Variants in ITPR2 observed in about 807,000 individuals in gnomAD.
ITPR2 encodes the protein inositol 1,4,5-trisphosphate receptor type 2.
A neutral mutation model predicts 317.1 loss-of-function variants in ITPR2; 207 were observed. The ratio of observed to expected loss-of-function variants is 0.65; its 90% confidence interval spans 0.58 to 0.73. ITPR2 has a LOEUF of 0.73. ITPR2 is among the 30% of genes least tolerant of loss of function. The pLI is 0.00. For synonymous variants in ITPR2, 1,156 were observed against 1,149.1 expected, an observed-to-expected ratio of 1.01 and a Z score of -0.12; for missense variants, 2,613 against 3,284.0, an observed-to-expected ratio of 0.80 and a Z score of 4.99.
intron 21 of ITPR2, among the ~76,000 whole-genome samples, chr12:26,635,088 T>C (rs892587486): frequency 6.6e-6 from 1 of 152,296 alleles, no homozygotes; most frequent in East Asian, 1.9e-4. Flanking sequence ...GCTTTGTTCT[T>C]TGATTGTTCC....
Position 26,454,123 on chromosome 12 carries a change from C to T in ITPR2, c.6343-10473G>A, listed in dbSNP as rs79763194. Among the ~76,000 whole-genome samples the T allele has an allele frequency of 5.5e-4, 84 of 152,130 alleles. 1 individual carries two copies. In the East Asian group the frequency reaches 0.013, roughly 23 times the overall value. On this transcript the variant is annotated intron_variant, in intron 45 of 56. Coordinates refer to ENST00000381340, the MANE Select transcript of ITPR2 (RefSeq NM_002223.4). ...TTTAATGGCATATGTGTTTAATTTTCTGAAATAAATTGAGTTTTTAGAAAA... is the reference window on the plus strand; with the variant it reads ...TTTAATGGCATATGTGTTTAATTTTTTGAAATAAATTGAGTTTTTAGAAAA...
intron 32 of ITPR2, among the ~76,000 whole-genome samples, chr12:26,584,388 G>A (rs771320955): frequency 6.6e-6 from 1 of 152,178 alleles, no homozygotes; most frequent in Non-Finnish European, 1.5e-5. Context: ...CACTGGACAT[G>A]CAGCACCTCA....
In ITPR2 at chr12:26,663,945, T is replaced by C. The variant is rs903020673; in HGVS notation, c.1552-99A>G. On this transcript the variant is annotated intron_variant, in intron 14 of 56. Transcript: ENST00000381340. ...AACATTGATTCAAAAAACACTTATATAAATTTGAGTATTAGAGTAAACGGG... is the reference window on the plus strand; with the variant it reads ...AACATTGATTCAAAAAACACTTATACAAATTTGAGTATTAGAGTAAACGGG... 1.3e-5 allele frequency: 14 copies of C among 1,079,344 alleles called. No individual in the cohort carries two copies. The African/African-American group carries it at 2.2e-4, about 17-fold the overall frequency. The allele number at this position is 1,079,344 out of a possible 1,614,324, so 66.9% of individuals were successfully genotyped here.
intron 1 of ITPR2, among the ~76,000 whole-genome samples, chr12:26,819,841 C>A (rs954318636): frequency 2.0e-5 from 3 of 151,736 alleles, no homozygotes; most frequent in Non-Finnish European, 2.9e-5. Context: ...CCGAGGCAGG[C>A]GGATCACTTG....
At chr12:26,645,791 G>C (rs979151282) in intron 21 of ITPR2, among the ~76,000 whole-genome samples, 2 of 152,174 alleles carry the variant, frequency 1.3e-5, no homozygotes, top group Non-Finnish European at 1.5e-5. Context: ...ATTCAAAAGA[G>C]ATGAACACTG....
In ITPR2 at chr12:26,687,867, G is replaced by A. The variant is rs562932135; in HGVS notation, c.997-1235C>T. On this transcript the variant is annotated intron_variant, in intron 10 of 56. Transcript: ENST00000381340. Reference sequence around the variant, plus strand: ...AAAATTCAGAGTTAAATGAAAGCAGGGGTTCAGCAAACTCTCCACAAAGGG... The same window carrying A: ...AAAATTCAGAGTTAAATGAAAGCAGAGGTTCAGCAAACTCTCCACAAAGGG... Among the ~76,000 whole-genome samples, 21 of 152,046 alleles carry A rather than the reference G, an allele frequency of 1.4e-4. No individual in the cohort carries two copies. In the Middle Eastern group the frequency reaches 0.01, roughly 74 times the overall value.
At chr12:26,609,250 C>T (rs1430723939) in intron 26 of ITPR2, among the ~76,000 whole-genome samples, 2 of 152,192 alleles carry the variant, frequency 1.3e-5, no homozygotes, top group African/African-American at 4.8e-5. Context: ...TCGTTAGCCA[C>T]TTGCTGAATA....
intron 8 of ITPR2, among the ~76,000 whole-genome samples, chr12:26,714,309 G>A (rs1004534252): frequency 4.6e-5 from 7 of 151,908 alleles, no homozygotes; most frequent in African/African-American, 1.7e-4. Context: ...TCATTCAAGG[G>A]CCCACATTTA....
At position 26,487,229 on chromosome 12, in the gene ITPR2, T is replaced by C; in HGVS notation, c.5393A>G (p.His1798Arg). The C allele has an allele frequency of 1.2e-6, 2 of 1,601,490 alleles. No homozygotes were observed. Among genetic ancestry groups the C allele is most frequent in the Non-Finnish European group, 1.7e-6 (2 of 1,176,382 alleles). ...QTQYSFYQQL[H>R]EQKKSEKFFK... Reference sequence around the variant, plus strand: ...GAATTTTTCTGACTTTTTTTGTTCATGCAACTGCTGGTAGAAAGAATACTG... The same window carrying C: ...GAATTTTTCTGACTTTTTTTGTTCACGCAACTGCTGGTAGAAAGAATACTG... The change falls in exon 40 of 57, where the codon CAT (histidine) becomes CGT (arginine). Residue 1798 changes from histidine (H) to arginine (R), a missense_variant. Physicochemically the swap from His to Arg is conservative, Grantham distance 29. Around this residue, in one of 9 missense-constraint regions of ITPR2, gnomAD observed 926 missense variants for 1,072.8 expected, o/e 0.86. Transcript: ENST00000381340.
chr12:26,797,825 G>A (rs1950479989), intron 1 of ITPR2, among the ~76,000 whole-genome samples: 1 of 150,984 alleles, frequency 6.6e-6, no homozygotes, highest in East Asian at 1.9e-4. Context: ...CCGAGTAGCT[G>A]GGATTACAGG....
chr12:26,793,368 A>C (rs7962822), intron 1 of ITPR2, among the ~76,000 whole-genome samples: 19,320 of 152,060 alleles, frequency 0.13, 2,818 homozygotes, highest in African/African-American at 0.36. Context: ...AAAAATAATA[A>C]GGATAACCAA....
At position 26,548,788 on chromosome 12, in the gene ITPR2, G is replaced by T. The variant is rs149264382; in HGVS notation, c.5073+1459C>A. 1.7e-3 allele frequency among the ~76,000 whole-genome samples: 257 copies of T among 152,300 alleles called. 1 individual carries two copies. Among genetic ancestry groups the T allele is most frequent in the African/African-American group, 5.9e-3 (247 of 41,568 alleles). ...ACTCCTGGAATTTTCTCAACAGGAG[G>T]TAATAAAAGCCTGAACTAGTGATAG... is the stretch of plus-strand genomic sequence containing the variant. On this transcript the variant is annotated intron_variant, in intron 37 of 56. Transcript: ENST00000381340.
chr12:26,601,642 C>T (rs1314911154), intron 28 of ITPR2, among the ~76,000 whole-genome samples: 1 of 152,014 alleles, frequency 6.6e-6, no homozygotes, highest in Non-Finnish European at 1.5e-5. Flanking sequence ...TATACAAACC[C>T]ATACTGATAA....
At chr12:26,377,876 A>G (rs1939391166) in intron 55 of ITPR2, among the ~76,000 whole-genome samples, 1 of 151,980 alleles carries the variant, frequency 6.6e-6, no homozygotes, top group Non-Finnish European at 1.5e-5. Context: ...TTTAAGATAC[A>G]CACTTTGCCT....
chr12:26,717,295 C>A (rs1948757126), intron 5 of ITPR2, among the ~76,000 whole-genome samples: 2 of 152,100 alleles, frequency 1.3e-5, no homozygotes. Context: ...AATCTAAGCC[C>A]AAACTTTAAA....
chr12:26,502,048 G>A (rs769129478), intron 37 of ITPR2, among the ~76,000 whole-genome samples: 27 of 152,214 alleles, frequency 1.8e-4, no homozygotes, highest in Non-Finnish European at 2.5e-4. Flanking sequence ...AAACAGGGTT[G>A]CTGAGAAGGT....
chr12:26,781,645 C>T (rs1424648027), intron 2 of ITPR2, among the ~76,000 whole-genome samples: 1 of 152,002 alleles, frequency 6.6e-6, no homozygotes, highest in African/African-American at 2.4e-5. Flanking sequence ...ATGGTTAATA[C>T]TGAGTGTCAA....
intron 37 of ITPR2, among the ~76,000 whole-genome samples, chr12:26,527,323 T>C (rs963318148): frequency 8.5e-5 from 13 of 152,230 alleles, no homozygotes; most frequent in African/African-American, 2.9e-4. Context: ...TTGCACTTTG[T>C]AGGAAGAATG....
At chr12:26,383,616 T>C (rs1237361231) in intron 55 of ITPR2, among the ~76,000 whole-genome samples, 11 of 151,348 alleles carry the variant, frequency 7.3e-5, no homozygotes, top group Admixed American at 7.2e-4. Context: ...CCCGAGTAGC[T>C]GGGACTACAT....
Sources: allele counts gnomAD v4.1 joint callset (sites outside exome capture counted in the v4.1 genomes callset), GRCh38; gene constraint gnomAD v4.1.1; regional missense constraint gnomAD v4.1.1; transcripts MANE v1.5; gene names NCBI Gene and HGNC (gene_info 2026-07-23, HGNC 2026-07-21).